SS18: variants seen among roughly 807,000 people sequenced by gnomAD.
SS18 encodes the protein protein SSXT.
In SS18, 28 loss-of-function variants were observed where a neutral mutation model predicts 72.5. That is an observed-to-expected ratio of 0.39 (90% CI 0.29 to 0.53). The LOEUF (loss-of-function observed/expected upper bound fraction) is 0.53. SS18 is among the 20% of genes least tolerant of loss of function. The probability of loss-of-function intolerance (pLI) is 0.76; values close to 1 mark genes in which losing one functional copy is unlikely to be tolerated. For synonymous variants in SS18, 172 were observed against 164.2 expected (o/e 1.05, Z -0.37); for missense variants, 518 against 535.3 (o/e 0.97, Z 0.32).
At chr18:26,023,939 T>A (rs78986615) in intron 10 of SS18, among the ~76,000 whole-genome samples, 1 of 152,126 alleles carries the variant, frequency 6.6e-6, no homozygotes, top group African/African-American at 2.4e-5. Flanking sequence ...GAAGTAAAAT[T>A]TGTAACAATA....
rs190329780 is a variant in SS18 at position 26,082,891 on chromosome 18, C to A, written c.146+4610G>T. Among the ~76,000 whole-genome samples the A allele has an allele frequency of 5.0e-3, 757 of 151,980 alleles. 3 individuals carry two copies. Among genetic ancestry groups the A allele is most frequent in the Middle Eastern group, 0.01 (3 of 292 alleles). On this transcript the variant is annotated intron_variant, in intron 2 of 10. Coordinates refer to ENST00000415083, the MANE Select transcript of SS18 (RefSeq NM_001007559.3). ...TAGTTATTTTTAATTTAAAAAAAAA[C>A]ACAGTTTCAGGCAAAGTTATCACAT...
chr18:26,072,796 C>CTA (rs2054337307), intron 3 of SS18, among the ~76,000 whole-genome samples: 1 of 32,746 alleles, frequency 3.1e-5, no homozygotes, highest in Non-Finnish European at 9.4e-5. Context: ...GACTCCGTCT[C>CTA]AAAAAAAAAA....
intron 10 of SS18, among the ~76,000 whole-genome samples, chr18:26,021,641 T>A (rs1034346709): frequency 9.2e-5 from 14 of 152,102 alleles, no homozygotes; most frequent in African/African-American, 3.4e-4. Flanking sequence ...TAAACTAAGA[T>A]AAGGGTGTAG....
At chr18:26,037,134 T>C (rs972122683) in intron 7 of SS18, among the ~76,000 whole-genome samples, 1 of 152,086 alleles carries the variant, frequency 6.6e-6, no homozygotes, top group Non-Finnish European at 1.5e-5. Flanking sequence ...ATGTCAGATA[T>C]AAAGTAATAT....
intron 9 of SS18, 44 bp from the exon 10 acceptor site, chr18:26,032,576 T>C: frequency 6.2e-7 from 1 of 1,601,756 alleles, no homozygotes; most frequent in South Asian, 1.1e-5. Context: ...AAAAGGTAAG[T>C]CCCTAGAACT....
chr18:26,090,871 A>T (rs1057383210), upstream of SS18: 1 of 433,876 alleles, frequency 2.3e-6, no homozygotes, highest in South Asian at 3.4e-5. Flanking sequence ...GTCGCGCCCT[A>T]GTCCTCCCTC....
Position 26,023,026 on chromosome 18 carries a change from C to G in SS18, c.1231-4646G>C, listed in dbSNP as rs75726389. Reference sequence around the variant, plus strand: ...GCCTAGAATATCTTAAAAGCAATTTCAGAAAGTTCAAACTGTTTGTAACTT... The same window carrying G: ...GCCTAGAATATCTTAAAAGCAATTTGAGAAAGTTCAAACTGTTTGTAACTT... On this transcript the variant is annotated intron_variant, in intron 10 of 10. Transcript: ENST00000415083. Among the ~76,000 whole-genome samples the G allele has an allele frequency of 4.3e-3, 655 of 152,278 alleles. 4 individuals are homozygous for G. Among genetic ancestry groups the G allele is most frequent in the African/African-American group, 0.014 (589 of 41,544 alleles).
chr18:26,040,790 G>C (rs2053710413), intron 5 of SS18, among the ~76,000 whole-genome samples: 1 of 152,068 alleles, frequency 6.6e-6, no homozygotes, highest in Admixed American at 6.6e-5. Context: ...TCTCATAAAT[G>C]TGAATGTAAG....
At chr18:26,054,714 A>G (rs1390347550) in intron 4 of SS18, among the ~76,000 whole-genome samples, 9 of 151,730 alleles carry the variant, frequency 5.9e-5, no homozygotes, top group Non-Finnish European at 1.2e-4. Flanking sequence ...ATACACATGC[A>G]TTATTTTATA....
At position 26,017,234 on chromosome 18, in the gene SS18, CTT is replaced by C. The variant is rs1211720201; in HGVS notation, c.*1118_*1119del. ...TCAATAAGCATTTTCCTAAATATCT[CTT>C]TGTGTTATATCAACCAACATAAAAA... is the stretch of plus-strand genomic sequence containing the variant. On this transcript the variant is annotated 3_prime_UTR_variant, in exon 11 of 11. Coordinates refer to ENST00000415083, the MANE Select transcript of SS18 (RefSeq NM_001007559.3). 17 of 198,996 alleles carry C rather than the reference CTT, an allele frequency of 8.5e-5. 1 individual carries two copies. Among genetic ancestry groups the C allele is most frequent in the African/African-American group, 2.1e-4 (9 of 43,546 alleles). The allele number at this position is 198,996 out of a possible 1,614,324, so 12.3% of individuals were successfully genotyped here.
chr18:26,090,610 G>T lies in SS18; in HGVS notation c.-41C>A, dbSNP rs1402080521. ...ACTATCGGCAAGTCCCGAGCGCTCCGGGTGAACGGCAAACTGGGGGAGAGA... is the reference window on the plus strand; with the variant it reads ...ACTATCGGCAAGTCCCGAGCGCTCCTGGTGAACGGCAAACTGGGGGAGAGA... On this transcript the variant is annotated 5_prime_UTR_variant, in exon 1 of 11. Coordinates refer to ENST00000415083, the MANE Select transcript of SS18 (RefSeq NM_001007559.3). 6.5e-7 allele frequency: 1 copy of T among 1,547,764 alleles called. No individual in the cohort carries two copies. The highest frequency in any genetic ancestry group is 1.9e-5 in the Admixed American group (1 of 51,434).
upstream of SS18, chr18:26,090,810 C>T (rs1454344049): frequency 8.7e-6 from 5 of 576,516 alleles, no homozygotes; most frequent in East Asian, 3.0e-5. Flanking sequence ...GTCCCTGCAT[C>T]CCCCGAGCTC....
intron 10 of SS18, chr18:26,023,743 C>T (rs990313698): frequency 6.9e-5 from 29 of 419,436 alleles, no homozygotes; most frequent in African/African-American, 5.9e-4. Flanking sequence ...ATGTTAACAT[C>T]CTTCAGGCAA....
chr18:26,022,915 A>C (rs2053377927), intron 10 of SS18, among the ~76,000 whole-genome samples: 1 of 152,204 alleles, frequency 6.6e-6, no homozygotes, highest in Admixed American at 6.5e-5. Flanking sequence ...CTTACAATTC[A>C]AAGGGCATTG....
intron 6 of SS18, among the ~76,000 whole-genome samples, chr18:26,039,004 C>T (rs1314885395): frequency 2.6e-5 from 4 of 151,548 alleles, no homozygotes; most frequent in Non-Finnish European, 5.9e-5. Flanking sequence ...TGGGTTTATT[C>T]CTGACCCTTT....
intron 2 of SS18, among the ~76,000 whole-genome samples, chr18:26,083,453 CGTT>C (rs2054564594): frequency 6.6e-6 from 1 of 152,084 alleles, no homozygotes; most frequent in Non-Finnish European, 1.5e-5. Flanking sequence ...GTGATTTCAT[CGTT>C]GTTGTGCAAA....
At chr18:26,054,729 G>GA (rs1244694391) in intron 4 of SS18, among the ~76,000 whole-genome samples, 1 of 150,204 alleles carries the variant, frequency 6.7e-6, no homozygotes, top group Non-Finnish European at 1.5e-5. Context: ...TTTATATAGA[G>GA]AAAATCTCTC....
intron 4 of SS18, among the ~76,000 whole-genome samples, chr18:26,055,550 G>A (rs1435446228): frequency 2.6e-5 from 4 of 152,104 alleles, no homozygotes; most frequent in Non-Finnish European, 5.9e-5. Context: ...AACATAAGTA[G>A]CTCTAAAACT....
chr18:26,072,104 A>G (rs1369043366), intron 3 of SS18, among the ~76,000 whole-genome samples: 1 of 152,210 alleles, frequency 6.6e-6, no homozygotes, highest in Non-Finnish European at 1.5e-5. Flanking sequence ...TTGTGGAAAC[A>G]TATAGAGACT....
Sources: allele counts gnomAD v4.1 joint callset (sites outside exome capture counted in the v4.1 genomes callset), GRCh38; gene constraint gnomAD v4.1.1; transcripts MANE v1.5; gene names NCBI Gene and HGNC (gene_info 2026-07-23, HGNC 2026-07-21).